The following RAPGEF2 variants were observed in gnomAD, a reference collection of about 807,000 sequenced individuals.
RAPGEF2 encodes Rap guanine nucleotide exchange factor 2, also known as PDZ domain containing guanine nucleotide exchange factor (GEF) 1.
RAPGEF2 carries 54 observed loss-of-function variants against 186.7 expected under a neutral mutation model. That is an observed-to-expected ratio of 0.29 (90% CI 0.23 to 0.36). The LOEUF is 0.36. Among genes scored for constraint, RAPGEF2 ranks in the 10% least tolerant of loss-of-function variants. The pLI is 1.00. For synonymous variants in RAPGEF2, 712 were observed against 705.9 expected (o/e 1.01, Z -0.14); for missense variants, 1,532 against 2,045.0 (o/e 0.75, Z 4.84).
intron 4 of RAPGEF2, among the ~76,000 whole-genome samples, chr4:159,224,570 C>T (rs930430956): frequency 2.0e-5 from 3 of 152,184 alleles, no homozygotes; most frequent in Admixed American, 6.5e-5. Context: ...CTGAGTCCCA[C>T]GCCCTAGAGA....
chr4:159,184,519 T>C (rs2111287910), intron 1 of RAPGEF2, among the ~76,000 whole-genome samples: 1 of 152,388 alleles, frequency 6.6e-6, no homozygotes, highest in African/African-American at 2.4e-5. Flanking sequence ...TTCATTTGTC[T>C]GTTGGCTGCC....
At chr4:159,137,704 A>G (rs1303389153) in intron 1 of RAPGEF2, among the ~76,000 whole-genome samples, 2 of 105,236 alleles carry the variant, frequency 1.9e-5, no homozygotes, top group Non-Finnish European at 4.0e-5. Flanking sequence ...TGTGAAAAAT[A>G]AATGCAAAAA....
intron 7 of RAPGEF2, among the ~76,000 whole-genome samples, chr4:159,252,330 G>A (rs1037614025): frequency 6.6e-6 from 1 of 152,146 alleles, no homozygotes; most frequent in African/African-American, 2.4e-5. Flanking sequence ...GATTATAGGC[G>A]CCTGGCCCTG....
intron 3 of RAPGEF2, among the ~76,000 whole-genome samples, chr4:159,202,072 C>T (rs977182852): frequency 1.3e-5 from 2 of 152,176 alleles, no homozygotes; most frequent in African/African-American, 4.8e-5. Flanking sequence ...CTCAGTTGTG[C>T]CGAACCTGTC....
rs757332978 is a variant in RAPGEF2 at position 159,322,504 on chromosome 4, C to A, written c.990+21C>A. 1.9e-6 allele frequency: 3 copies of A among 1,605,402 alleles called. No individual in the cohort carries two copies. The South Asian group carries it at 3.3e-5, about 18-fold the overall frequency. On this transcript the variant is annotated intron_variant, in intron 10 of 29. Coordinates refer to ENST00000691494, the MANE Select transcript of RAPGEF2 (RefSeq NM_001394067.2). Reference sequence around the variant, plus strand: ...AAGAGGTGAGTAACTATTCCTACCACTTAAAAAGTTTCTTCTTAAAGATAT... The same window carrying A: ...AAGAGGTGAGTAACTATTCCTACCAATTAAAAAGTTTCTTCTTAAAGATAT...
At chr4:159,262,372 A>G (rs1185558240) in intron 7 of RAPGEF2, among the ~76,000 whole-genome samples, 13 of 152,236 alleles carry the variant, frequency 8.5e-5, no homozygotes, top group Admixed American at 8.5e-4. Context: ...ATTCTTTTAC[A>G]TATGCGGTGT....
chr4:159,229,829 G>T (rs1752433686), intron 4 of RAPGEF2, among the ~76,000 whole-genome samples: 3 of 152,188 alleles, frequency 2.0e-5, no homozygotes, highest in Non-Finnish European at 4.4e-5. Context: ...TACTGAGGGA[G>T]TACTAGCATT....
chr4:159,277,799 T>TA (rs1417961505), intron 7 of RAPGEF2, among the ~76,000 whole-genome samples: 2 of 152,140 alleles, frequency 1.3e-5, no homozygotes, highest in African/African-American at 2.4e-5. Flanking sequence ...TAAATTTGTT[T>TA]AGTTCTTTGT....
At chr4:159,344,633 C>T (rs1730035149) in intron 23 of RAPGEF2, among the ~76,000 whole-genome samples, 1 of 152,036 alleles carries the variant, frequency 6.6e-6, no homozygotes, top group Non-Finnish European at 1.5e-5. Flanking sequence ...ACAGATTGAC[C>T]GTATTACTTT....
At chr4:159,177,366 A>G (rs534816602) in intron 1 of RAPGEF2, among the ~76,000 whole-genome samples, 10 of 152,290 alleles carry the variant, frequency 6.6e-5, no homozygotes, top group African/African-American at 2.2e-4. Flanking sequence ...AGTGAACTCA[A>G]TCACCTTTTT....
intron 7 of RAPGEF2, among the ~76,000 whole-genome samples, chr4:159,268,635 GC>G (rs1757726488): frequency 6.6e-6 from 1 of 152,098 alleles, no homozygotes; most frequent in Non-Finnish European, 1.5e-5. Flanking sequence ...AGGAGGGAGA[GC>G]TTTGGTTATT....
chr4:159,323,890 T>C (rs1165472853), intron 11 of RAPGEF2, among the ~76,000 whole-genome samples: 1 of 150,152 alleles, frequency 6.7e-6, no homozygotes, highest in Non-Finnish European at 1.5e-5. Context: ...ACCTAATTTT[T>C]GGGTTTTTTG....
chr4:159,247,567 C>T (rs1033540283), intron 7 of RAPGEF2, among the ~76,000 whole-genome samples: 3 of 151,950 alleles, frequency 2.0e-5, no homozygotes, highest in African/African-American at 4.8e-5. Flanking sequence ...CTGAGATTTA[C>T]ATTTAAATAA....
intron 7 of RAPGEF2, among the ~76,000 whole-genome samples, chr4:159,246,199 G>A (rs959661045): frequency 6.6e-6 from 1 of 152,068 alleles, no homozygotes; most frequent in African/African-American, 2.4e-5. Context: ...AAGATACATT[G>A]AATTTTCCAG....
At chr4:159,157,145 A>G (rs1055303889) in intron 1 of RAPGEF2, among the ~76,000 whole-genome samples, 2 of 152,154 alleles carry the variant, frequency 1.3e-5, no homozygotes, top group African/African-American at 4.8e-5. Flanking sequence ...ATACTGCCCA[A>G]TTGCACCTTC....
intron 1 of RAPGEF2, among the ~76,000 whole-genome samples, chr4:159,164,826 G>A (rs1433631033): frequency 2.0e-5 from 3 of 152,138 alleles, no homozygotes; most frequent in Non-Finnish European, 4.4e-5. Context: ...AAAACTGACT[G>A]CTAGGATCAT....
At chr4:159,134,978 T>A (rs557649693) in intron 1 of RAPGEF2, among the ~76,000 whole-genome samples, 2 of 152,332 alleles carry the variant, frequency 1.3e-5, no homozygotes, top group East Asian at 3.9e-4. Flanking sequence ...GCTTCTTTCA[T>A]TTAGCATAAT....
At chr4:159,140,293 T>C (rs888371250) in intron 1 of RAPGEF2, among the ~76,000 whole-genome samples, 1 of 152,218 alleles carries the variant, frequency 6.6e-6, no homozygotes, top group Non-Finnish European at 1.5e-5. Flanking sequence ...CATTTACATA[T>C]ATTTATTCAA....
At position 159,238,805 on chromosome 4, in the gene RAPGEF2, C is replaced by G; in HGVS notation, c.282-4C>G. On this transcript the variant is annotated splice_polypyrimidine_tract_variant and splice_region_variant and intron_variant, in intron 4 of 29. Coordinates refer to ENST00000691494, the MANE Select transcript of RAPGEF2 (RefSeq NM_001394067.2). ...TCATTGATTTTTTTTTTCTTTCTTT[C>G]TAGTTTTGGCAAGCGTTCTGCAGGA... The G allele has an allele frequency of 6.6e-7, 1 of 1,505,370 alleles. No homozygotes were observed. Among genetic ancestry groups the G allele is most frequent in the Non-Finnish European group, 8.8e-7 (1 of 1,136,282 alleles). 93.3% of individuals were successfully genotyped at this position (1,505,370 alleles called of 1,614,324 possible).
Sources: allele counts gnomAD v4.1 joint callset (sites outside exome capture counted in the v4.1 genomes callset), GRCh38; gene constraint gnomAD v4.1.1; transcripts MANE v1.5; gene names NCBI Gene and HGNC (gene_info 2026-07-23, HGNC 2026-07-21).